ABCC9: variants seen among roughly 807,000 people sequenced by gnomAD.
The protein encoded by ABCC9 is ATP binding cassette subfamily C member 9, also known as ATP-binding cassette sub-family C member 9.
A neutral mutation model predicts 188.3 loss-of-function variants in ABCC9; 95 were observed. The ratio of observed to expected loss-of-function variants is 0.50; its 90% CI spans 0.43 to 0.60. ABCC9 has a LOEUF of 0.60. Among genes scored for constraint, ABCC9 ranks in the 20% least tolerant of loss-of-function variants. The pLI is 0.00. For synonymous variants in ABCC9, 659 were observed against 652.7 expected (o/e 1.01, Z -0.15); for missense variants, 1,102 against 1,876.3 (o/e 0.59, Z 7.62).
intron 35 of ABCC9, among the ~76,000 whole-genome samples, chr12:21,812,790 T>C (rs1164568192): frequency 1.3e-5 from 2 of 152,044 alleles, no homozygotes; most frequent in Non-Finnish European, 2.9e-5. Flanking sequence ...ATGGCACATG[T>C]ATACCTATGT....
At chr12:21,811,560 G>A (rs1441348547) in intron 36 of ABCC9, among the ~76,000 whole-genome samples, 1 of 151,904 alleles carries the variant, frequency 6.6e-6, no homozygotes, top group Non-Finnish European at 1.5e-5. Context: ...AAAGCACCTA[G>A]CAGATGGTTG....
intron 30 of ABCC9, among the ~76,000 whole-genome samples, chr12:21,832,449 C>T (rs1200947765): frequency 6.6e-6 from 1 of 152,098 alleles, no homozygotes; most frequent in Non-Finnish European, 1.5e-5. Flanking sequence ...GAATTTTATC[C>T]ATGGCAGCAG....
rs762350069 is a variant in ABCC9, at chr12:21,852,440, T to C, written c.2571A>G (p.Lys857=). ...SDHLMQEGIL[K]FLQDDKRTLV... ...GTGTCCTTTTGTCATCTTGCAGGAA[T>C]TTCAAAATCCCCTCCTGCATTAAAT... The change falls in exon 23 of 40, where the codon AAA becomes AAG. Residue 857 remains lysine, a synonymous_variant. Transcript: ENST00000261200. 8 of 1,613,824 alleles carry C rather than the reference T, an allele frequency of 5.0e-6. No individual in the cohort carries two copies. Among genetic ancestry groups the C allele is most frequent in the Non-Finnish European group, 6.8e-6 (8 of 1,179,948 alleles).
intron 31 of ABCC9, among the ~76,000 whole-genome samples, chr12:21,823,256 T>A (rs997836239): frequency 2.6e-5 from 4 of 152,238 alleles, no homozygotes; most frequent in African/African-American, 9.6e-5. Flanking sequence ...AAGAGAGGTC[T>A]CTTTTCAGAT....
intron 31 of ABCC9, among the ~76,000 whole-genome samples, chr12:21,819,006 A>G (rs1225549367): frequency 6.6e-6 from 1 of 152,190 alleles, no homozygotes; most frequent in African/African-American, 2.4e-5. Flanking sequence ...GTCTTAATGT[A>G]TTTAAATAGT....
rs1204007954 is a variant in ABCC9 at position 21,845,759 on chromosome 12, T to C, written c.2940A>G (p.Lys980=). The change falls in exon 26 of 40, where the codon AAA becomes AAG. Residue 980 remains lysine, a synonymous_variant. Transcript: ENST00000261200. ...VMRLRTKMPW[K]TCWRYLTSGG... ...CAGATGTCAGGTAGCGCCAGCAGGT[T>C]TTCCATGGCATTTTAGTCCTGAGCC... is the stretch of plus-strand genomic sequence containing the variant. The C allele has an allele frequency of 1.2e-6, 2 of 1,613,902 alleles. No homozygotes were observed. Among genetic ancestry groups the C allele is most frequent in the Non-Finnish European group, 8.5e-7 (1 of 1,179,850 alleles).
Position 21,858,001 on chromosome 12 carries a change from G to A in ABCC9, c.2505+1585C>T, listed in dbSNP as rs77319420. On this transcript the variant is annotated intron_variant, in intron 22 of 39. Coordinates refer to ENST00000261200, the MANE Select transcript of ABCC9 (RefSeq NM_020297.4). ...CAATGTATCTTCAGGGAGAGTCATC[G>A]AGAAGCTGTTAGAGTTAATGCTAAA... Among the ~76,000 whole-genome samples, 354 of 152,246 alleles carry A rather than the reference G, an allele frequency of 2.3e-3. 4 individuals carry two copies. In the East Asian group the frequency reaches 0.031, roughly 13 times the overall value.
intron 3 of ABCC9, among the ~76,000 whole-genome samples, chr12:21,935,670 C>T (rs936861932): frequency 8.6e-5 from 13 of 151,982 alleles, no homozygotes; most frequent in Non-Finnish European, 1.6e-4. Context: ...AAGATAGGAA[C>T]GTAGGATATG....
chr12:21,859,863 C>T (rs780770661), intron 21 of ABCC9, among the ~76,000 whole-genome samples, 197 bp from the exon 22 acceptor site: 10 of 152,150 alleles, frequency 6.6e-5, no homozygotes, highest in Admixed American at 2.0e-4. Flanking sequence ...AAGATGGCTT[C>T]AGGCTGATAT....
Position 21,883,471 on chromosome 12 carries a change from A to G in ABCC9, c.1912-598T>C, listed in dbSNP as rs538683742. 2.8e-3 allele frequency among the ~76,000 whole-genome samples: 428 copies of G among 152,282 alleles called. 1 individual carries two copies. The highest frequency in any genetic ancestry group is 3.5e-3 in the Non-Finnish European group (237 of 68,020). ...TCCTTTGCCTTCCACCATGTTTGTG[A>G]GGCCTCCCCAGCCATGTGGAACTGT... On this transcript the variant is annotated intron_variant, in intron 15 of 39. Coordinates refer to ENST00000261200, the MANE Select transcript of ABCC9 (RefSeq NM_020297.4).
At chr12:21,901,133 G>C (rs1420006092) in intron 12 of ABCC9, among the ~76,000 whole-genome samples, 1 of 152,214 alleles carries the variant, frequency 6.6e-6, no homozygotes, top group African/African-American at 2.4e-5. Context: ...AGCCAGAAGA[G>C]AGTGAGGACC....
chr12:21,933,975 T>C, intron 3 of ABCC9, 52 bp from the exon 4 acceptor site: 2 of 1,603,264 alleles, frequency 1.2e-6, no homozygotes, highest in Middle Eastern at 1.7e-4. Context: ...GAAGGCTCAA[T>C]TGTAATAAAC....
intron 26 of ABCC9, among the ~76,000 whole-genome samples, 199 bp from the exon 27 acceptor site, chr12:21,845,114 C>T (rs1359278696): frequency 7.3e-6 from 1 of 137,684 alleles, no homozygotes; most frequent in Admixed American, 7.9e-5. Context: ...CCACCTGCTC[C>T]CTTCACTCTC....
At chr12:21,806,559 C>T (rs1015579945) in intron 38 of ABCC9, among the ~76,000 whole-genome samples, 1 of 152,136 alleles carries the variant, frequency 6.6e-6, no homozygotes, top group African/African-American at 2.4e-5. Context: ...GTACAGATTC[C>T]ATCTCTGTCC....
At chr12:21,915,261 G>GTGTGTGTGTGTA (rs1555115999) in intron 7 of ABCC9, among the ~76,000 whole-genome samples, 1 of 105,332 alleles carries the variant, frequency 9.5e-6, no homozygotes, top group Non-Finnish European at 1.9e-5. Flanking sequence ...GTGTGTGTGT[G>GTGTGTGTGTGTA]TATATAATGT....
intron 20 of ABCC9, among the ~76,000 whole-genome samples, chr12:21,862,129 T>C (rs1000760754): frequency 3.3e-5 from 5 of 152,182 alleles, no homozygotes; most frequent in Admixed American, 3.3e-4. Flanking sequence ...TCCCTTCTTT[T>C]ATATTTCTAC....
rs1169609871 is a variant in ABCC9, at chr12:21,918,254, TACATTAAAAAATAGAC to T, written c.407-1167_407-1152del. On this transcript the variant is annotated intron_variant, in intron 5 of 39. Coordinates refer to ENST00000261200, the MANE Select transcript of ABCC9 (RefSeq NM_020297.4). ...TAAAAGTGTCCAGTTTTTAGAAAGA[TACATTAAAAAATAGAC>T]ATATGACCAATGAAGATTTAGAAGA... Among the ~76,000 whole-genome samples the T allele has an allele frequency of 2.0e-5, 3 of 152,098 alleles. No homozygotes were observed. In the East Asian group the frequency reaches 5.8e-4, roughly 29 times the overall value.
chr12:21,913,891 T>C (rs1307061030), intron 7 of ABCC9, among the ~76,000 whole-genome samples: 1 of 152,194 alleles, frequency 6.6e-6, no homozygotes, highest in African/African-American at 2.4e-5. Flanking sequence ...ATAAATAATT[T>C]GTTTTCCAAA....
intron 31 of ABCC9, chr12:21,827,469 A>T (rs945235911): frequency 9.9e-6 from 2 of 203,026 alleles, no homozygotes; most frequent in African/African-American, 2.4e-5. Flanking sequence ...ACATTCTTTC[A>T]GTAAGCTATT....
Sources: allele counts gnomAD v4.1 joint callset (sites outside exome capture counted in the v4.1 genomes callset), GRCh38; gene constraint gnomAD v4.1.1; transcripts MANE v1.5; gene names NCBI Gene and HGNC (gene_info 2026-07-23, HGNC 2026-07-21).